SNTG1: variants seen among roughly 807,000 people sequenced by gnomAD.
SNTG1 encodes syntrophin gamma 1, also known as gamma-1-syntrophin.
Under a neutral mutation model 74.7 loss-of-function variants are expected in SNTG1, and 39 were observed. The ratio of observed to expected loss-of-function variants is 0.52; its 90% CI spans 0.40 to 0.68. The LOEUF is 0.68. Ranked by LOEUF, SNTG1 falls within the 30% of genes least tolerant of loss-of-function variation. SNTG1 has a pLI of 0.00. For missense variants in SNTG1, 685 were observed against 609.5 expected (o/e 1.12, Z -1.30); for synonymous variants, 254 against 217.1 (o/e 1.17, Z -1.49).
At chr8:50,343,896 A>G (rs775403818) in intron 2 of SNTG1, among the ~76,000 whole-genome samples, 4 of 152,168 alleles carry the variant, frequency 2.6e-5, no homozygotes, top group Non-Finnish European at 4.4e-5. Context: ...ATATTATCAC[A>G]ATAGTGATGA....
At chr8:50,484,190 TTCCTTCCTTCCTTCCTTC>T (rs1223710940) in intron 8 of SNTG1, among the ~76,000 whole-genome samples, 3 of 127,936 alleles carry the variant, frequency 2.3e-5, no homozygotes, top group African/African-American at 5.5e-5. Context: ...CCTTCCTTCC[TTCCTTCCTTCCTTCCTTC>T]CTTCCTTCTT....
chr8:50,596,375 C>T (rs2094727250), intron 13 of SNTG1, among the ~76,000 whole-genome samples: 1 of 151,942 alleles, frequency 6.6e-6, no homozygotes, highest in Non-Finnish European at 1.5e-5. Flanking sequence ...CTGCCTAACA[C>T]AGGAAATAAA....
intron 1 of SNTG1, among the ~76,000 whole-genome samples, chr8:50,154,704 C>T (rs2082196950): frequency 6.6e-6 from 1 of 152,098 alleles, no homozygotes; most frequent in South Asian, 2.1e-4. Context: ...AAATTGCAAC[C>T]ATCTATAAAT....
intron 4 of SNTG1, among the ~76,000 whole-genome samples, chr8:50,426,766 C>G (rs2093168715): frequency 6.6e-6 from 1 of 151,866 alleles, no homozygotes; most frequent in South Asian, 2.1e-4. Flanking sequence ...ACTGCCTCAC[C>G]TAGAGCAACT....
chr8:50,085,877 G>A (rs1310703685), intron 1 of SNTG1, among the ~76,000 whole-genome samples: 1 of 152,176 alleles, frequency 6.6e-6, no homozygotes, highest in Non-Finnish European at 1.5e-5. Flanking sequence ...TTGGACCACT[G>A]AAATCGGAAT....
At chr8:50,694,945 A>C (rs2095398401) in intron 15 of SNTG1, among the ~76,000 whole-genome samples, 1 of 151,918 alleles carries the variant, frequency 6.6e-6, no homozygotes, top group South Asian at 2.1e-4. Context: ...CAACACAATA[A>C]AGGCCATATA....
intron 4 of SNTG1, among the ~76,000 whole-genome samples, chr8:50,406,144 C>T (rs1435920386): frequency 6.6e-6 from 1 of 152,016 alleles, no homozygotes; most frequent in African/African-American, 2.4e-5. Flanking sequence ...GTAGTATGGA[C>T]ATCTTAATAA....
chr8:50,360,229 A>T (rs546841752), intron 2 of SNTG1, among the ~76,000 whole-genome samples: 1 of 152,134 alleles, frequency 6.6e-6, no homozygotes, highest in South Asian at 2.1e-4. Flanking sequence ...TTCGCAGTGA[A>T]TTACATGTAC....
chr8:50,413,904 GTTCTA>G (rs2092982393), intron 4 of SNTG1, among the ~76,000 whole-genome samples: 1 of 152,080 alleles, frequency 6.6e-6, no homozygotes, highest in South Asian at 2.1e-4. Context: ...ACTTCTGGAA[GTTCTA>G]TTCTATCCTA....
At chr8:49,922,285 C>A (rs1488135008) in intron 1 of SNTG1, among the ~76,000 whole-genome samples, 1 of 152,048 alleles carries the variant, frequency 6.6e-6, no homozygotes, top group Non-Finnish European at 1.5e-5. Context: ...TGGCTTTTTT[C>A]TTGGTACTAG....
intron 1 of SNTG1, among the ~76,000 whole-genome samples, chr8:49,917,288 A>G (rs1806133278): frequency 6.6e-6 from 1 of 152,164 alleles, no homozygotes. Flanking sequence ...GAGAAAATAA[A>G]CAATGTCTAT....
intron 1 of SNTG1, among the ~76,000 whole-genome samples, chr8:50,085,022 T>G (rs1303787383): frequency 6.6e-6 from 1 of 152,208 alleles, no homozygotes; most frequent in Non-Finnish European, 1.5e-5. Context: ...TAACTACAAT[T>G]AATGATGAAC....
intron 17 of SNTG1, among the ~76,000 whole-genome samples, chr8:50,727,532 T>A (rs1343327269): frequency 6.6e-6 from 1 of 152,120 alleles, no homozygotes; most frequent in Non-Finnish European, 1.5e-5. Flanking sequence ...AGTGGGCCCA[T>A]CCAGGTGCAT....
chr8:49,998,675 G>C (rs1814467497), intron 1 of SNTG1, among the ~76,000 whole-genome samples: 1 of 149,760 alleles, frequency 6.7e-6, no homozygotes, highest in African/African-American at 2.5e-5. Flanking sequence ...ACTGTCTTCT[G>C]CCTCCACATC....
chr8:50,433,853 T>G (rs555942775), intron 4 of SNTG1, among the ~76,000 whole-genome samples: 1 of 152,302 alleles, frequency 6.6e-6, no homozygotes, highest in South Asian at 2.1e-4. Flanking sequence ...CAATTCTAAG[T>G]GCTATGAGAG....
At chr8:50,417,019 T>C (rs2093023179) in intron 4 of SNTG1, among the ~76,000 whole-genome samples, 1 of 152,164 alleles carries the variant, frequency 6.6e-6, no homozygotes, top group Non-Finnish European at 1.5e-5. Context: ...GACTTATTTT[T>C]ACTTGTACTT....
chr8:50,770,694 G>A (rs566971569), intron 18 of SNTG1, among the ~76,000 whole-genome samples: 1 of 152,176 alleles, frequency 6.6e-6, no homozygotes, highest in South Asian at 2.1e-4. Context: ...GTGATGAGGT[G>A]GGGCCTATTG....
intron 12 of SNTG1, among the ~76,000 whole-genome samples, chr8:50,564,936 T>A (rs758444435): frequency 1.2e-4 from 19 of 152,070 alleles, no homozygotes; most frequent in Non-Finnish European, 2.6e-4. Flanking sequence ...GTGGAAAATA[T>A]ACAACTTTGG....
intron 1 of SNTG1, among the ~76,000 whole-genome samples, chr8:50,071,306 C>T (rs1384805725): frequency 6.6e-6 from 1 of 152,132 alleles, no homozygotes; most frequent in Non-Finnish European, 1.5e-5. Context: ...TCAAGCTATT[C>T]TCTTGCTTCA....
Sources: gnomAD v4.1 joint callset for allele counts (sites outside exome capture counted in the v4.1 genomes callset) on GRCh38, gnomAD v4.1.1 for gene constraint, MANE v1.5 for transcripts, NCBI Gene and HGNC (gene_info 2026-07-23, HGNC 2026-07-21) for gene names.